Variants in LIFR observed in about 807,000 individuals in gnomAD.
LIFR encodes leukemia inhibitory factor receptor.
A neutral mutation model predicts 122.2 loss-of-function variants in LIFR; 84 were observed. The observed-to-expected ratio is 0.69, with a 90% CI of 0.58 to 0.82. The LOEUF is 0.82. Ranked by LOEUF, LIFR falls within the 40% of genes least tolerant of loss-of-function variation. The pLI, the probability that LIFR is intolerant of heterozygous loss-of-function variation, is 0.00. For synonymous variants in LIFR, 422 were observed against 434.7 expected (o/e 0.97, Z 0.36); for missense variants, 1,294 against 1,311.6 (o/e 0.99, Z 0.21).
intron 7 of LIFR, among the ~76,000 whole-genome samples, chr5:38,509,460 C>T (rs571224569): frequency 2.0e-5 from 3 of 152,158 alleles, no homozygotes; most frequent in South Asian, 2.1e-4. Context: ...CACCTAAACC[C>T]GGCTATTCCT....
At chr5:38,525,585 A>G (rs913351180) in intron 4 of LIFR, among the ~76,000 whole-genome samples, 1 of 152,210 alleles carries the variant, frequency 6.6e-6, no homozygotes, top group African/African-American at 2.4e-5. Context: ...AGGACACAGA[A>G]CATGTGGATT....
intron 1 of LIFR, among the ~76,000 whole-genome samples, chr5:38,570,885 T>A (rs985287587): frequency 6.6e-6 from 1 of 152,246 alleles, no homozygotes; most frequent in African/African-American, 2.4e-5. Flanking sequence ...ACTCTTCTTA[T>A]AATTAATTAC....
chr5:38,499,528 T>C lies in LIFR; in HGVS notation c.1656A>G (p.Leu552=). Residue 552 remains leucine (L), a synonymous_variant, in exon 12 of 20, where the codon TTA becomes TTG. Transcript: ENST00000453190. ...AGATATTTACCTTCCAATAGATTAT[T>C]AAATTTTTTCCATCAGAACTCCACT... ...WREWSSDGKN[L]IIYWKPLPIN... 1 of 1,602,780 alleles carries C rather than the reference T, an allele frequency of 6.2e-7. No individual in the cohort carries two copies. Among genetic ancestry groups the C allele is most frequent in the Non-Finnish European group, 8.5e-7 (1 of 1,169,686 alleles).
At chr5:38,565,647 G>C (rs140948518) in intron 1 of LIFR, among the ~76,000 whole-genome samples, 2,210 of 151,432 alleles carry the variant, frequency 0.015, 46 homozygotes, top group African/African-American at 0.05. Context: ...GAGTACAATG[G>C]CGCAGTCTCG....
chr5:38,504,455 A>G (rs1313615552), intron 9 of LIFR, among the ~76,000 whole-genome samples: 1 of 151,206 alleles, frequency 6.6e-6, no homozygotes, highest in African/African-American at 2.4e-5. Flanking sequence ...AAAGGTAATT[A>G]ATAAGAATAT....
chr5:38,505,315 G>A (rs1745409455), intron 9 of LIFR, among the ~76,000 whole-genome samples: 1 of 152,026 alleles, frequency 6.6e-6, no homozygotes, highest in Non-Finnish European at 1.5e-5. Context: ...GGCAACATGA[G>A]CAAGTTCCTT....
chr5:38,547,918 G>C (rs961510355), intron 1 of LIFR, among the ~76,000 whole-genome samples: 7 of 152,078 alleles, frequency 4.6e-5, no homozygotes, highest in African/African-American at 1.7e-4. Flanking sequence ...GGAAGTATTT[G>C]GGTATCTAAA....
In LIFR at chr5:38,474,954, C is replaced by CT. The variant is rs57386567; in HGVS notation, c.*6640dup. On this transcript the variant is annotated 3_prime_UTR_variant, in exon 20 of 20. Coordinates refer to ENST00000453190, the MANE Select transcript of LIFR (RefSeq NM_001127671.2). ...GGGAAAAACCCAATAATGCCCAAGT[C>CT]TGTCAGTGTAAGATGTAAGAAAATA... The CT allele has an allele frequency of 0.038, 6,213 of 162,252 alleles. 426 individuals are homozygous for CT. The highest frequency in any genetic ancestry group is 0.14 in the African/African-American group (5,823 of 41,876). The allele number at this position is 162,252 out of a possible 1,614,324, so 10.1% of individuals were successfully genotyped here. A position where few individuals can be genotyped will look rare whatever the true frequency, so the allele number is the denominator to read the frequency against.
intron 1 of LIFR, among the ~76,000 whole-genome samples, chr5:38,552,691 G>A (rs1346772662): frequency 6.6e-6 from 1 of 152,198 alleles, no homozygotes; most frequent in Non-Finnish European, 1.5e-5. Context: ...GAGCAGTCAA[G>A]TGTAATTGAC....
chr5:38,606,289 G>A (rs199847178), exon 2 of LIFR: 2 of 152,262 alleles, frequency 1.3e-5, no homozygotes, highest in East Asian at 1.9e-4. Context: ...CATGGCAGAA[G>A]ATGAAACAGG....
In LIFR at chr5:38,479,235, T is replaced by G. The variant is rs1461084870; in HGVS notation, c.*2360A>C. ...CTTTGGCCCCAGACATAAATCACAT[T>G]CTTTTAAGCACACAGCAACTTATAA... is the stretch of plus-strand genomic sequence containing the variant. On this transcript the variant is annotated 3_prime_UTR_variant, in exon 20 of 20. Transcript: ENST00000453190. The G allele has an allele frequency of 1.0e-4, 24 of 231,822 alleles. No individual in the cohort carries two copies. The highest frequency in any genetic ancestry group is 6.2e-4 in the Admixed American group (11 of 17,734). 14.4% of individuals were successfully genotyped at this position (231,822 alleles called of 1,614,324 possible). A position where few individuals can be genotyped will look rare whatever the true frequency, so the allele number is the denominator to read the frequency against.
intron 4 of LIFR, among the ~76,000 whole-genome samples, chr5:38,526,944 G>C (rs1746721138): frequency 6.6e-6 from 1 of 152,152 alleles, no homozygotes; most frequent in Non-Finnish European, 1.5e-5. Context: ...GGAACTGAGG[G>C]AAGGAGCCTG....
At chr5:38,564,905 C>T (rs1350546499) in intron 1 of LIFR, among the ~76,000 whole-genome samples, 1 of 151,876 alleles carries the variant, frequency 6.6e-6, no homozygotes, top group Non-Finnish European at 1.5e-5. Context: ...TGCCGAGTAG[C>T]TGGGATTACA....
chr5:38,566,091 T>C (rs1014654322), intron 1 of LIFR, among the ~76,000 whole-genome samples: 2 of 152,180 alleles, frequency 1.3e-5, no homozygotes, highest in Admixed American at 6.5e-5. Flanking sequence ...AAAGAAACTA[T>C]TTTAAAATTA....
Position 38,475,450 on chromosome 5 carries a change from T to C in LIFR, c.*6145A>G. ...TTTATTCACCTTAAAAAAATGTCTG[T>C]AGTGGTAACATTTCAAGAAATGAAA... is the stretch of plus-strand genomic sequence containing the variant. On this transcript the variant is annotated 3_prime_UTR_variant, in exon 20 of 20. Transcript: ENST00000453190. 5.1e-6 allele frequency: 1 copy of C among 197,496 alleles called. No homozygotes were observed. Among genetic ancestry groups the C allele is most frequent in the Non-Finnish European group, 1.1e-5 (1 of 95,068 alleles). 12.2% of individuals were successfully genotyped at this position (197,496 alleles called of 1,614,324 possible). A position where few individuals can be genotyped will look rare whatever the true frequency, so the allele number is the denominator to read the frequency against.
At chr5:38,518,335 T>C (rs1041373794) in intron 5 of LIFR, among the ~76,000 whole-genome samples, 5 of 152,178 alleles carry the variant, frequency 3.3e-5, no homozygotes, top group Non-Finnish European at 4.4e-5. Context: ...TGTGACTCTG[T>C]ATCATCTGTA....
intron 5 of LIFR, among the ~76,000 whole-genome samples, chr5:38,514,794 C>G (rs145123644): frequency 1.1e-4 from 17 of 152,240 alleles, no homozygotes; most frequent in African/African-American, 4.1e-4. Flanking sequence ...TTAGACAATA[C>G]AGTATAACTA....
chr5:38,528,663 G>T, intron 3 of LIFR, 63 bp downstream of exon 3: 1 of 952,818 alleles, frequency 1.0e-6, no homozygotes, highest in South Asian at 1.4e-5. Context: ...AATAAGGTAA[G>T]AACTGAGGGT....
chr5:38,495,127 A>G (rs1744811823), intron 13 of LIFR, among the ~76,000 whole-genome samples: 1 of 152,172 alleles, frequency 6.6e-6, no homozygotes, highest in Non-Finnish European at 1.5e-5. Context: ...GAAATCCTCA[A>G]GGAATGAGGA....
Sources: allele counts gnomAD v4.1 joint callset (sites outside exome capture counted in the v4.1 genomes callset), GRCh38; gene constraint gnomAD v4.1.1; transcripts MANE v1.5; gene names NCBI Gene and HGNC (gene_info 2026-07-23, HGNC 2026-07-21).